ANO3: variants seen among roughly 807,000 people sequenced by gnomAD.
ANO3 encodes the protein anoctamin 3.
Under a neutral mutation model 144.8 loss-of-function variants are expected in ANO3, and 99 were observed. The ratio of observed to expected loss-of-function variants is 0.68; its 90% CI spans 0.58 to 0.81. The LOEUF (loss-of-function observed/expected upper bound fraction) is 0.81. Among genes scored for constraint, ANO3 ranks in the 30% least tolerant of loss-of-function variants. The pLI is 0.00. For synonymous variants in ANO3, 414 were observed against 392.6 expected, an observed-to-expected ratio of 1.05 and a Z score of -0.64; for missense variants, 905 against 1,202.2, an observed-to-expected ratio of 0.75 and a Z score of 3.66.
chr11:26,595,484 T>TTTTTTA (rs1851594883), intron 14 of ANO3, among the ~76,000 whole-genome samples: 6 of 148,596 alleles, frequency 4.0e-5, no homozygotes, highest in African/African-American at 1.5e-4. Flanking sequence ...TTTTTTTTTT[T>TTTTTTA]TTTATTCTGT....
chr11:26,525,631 T>A lies in ANO3; in HGVS notation c.693-4T>A, dbSNP rs1368757365. 1 of 1,610,098 alleles carries A rather than the reference T, an allele frequency of 6.2e-7. No homozygotes were observed. The highest frequency in any genetic ancestry group is 8.5e-7 in the Non-Finnish European group (1 of 1,178,120). On this transcript the variant is annotated splice_polypyrimidine_tract_variant and splice_region_variant and intron_variant, in intron 6 of 26. Transcript: ENST00000256737. ...TCCTTAGCTGTTTTCTATTATTTTT[T>A]CAGGAAAAAATGCTATTACACTGAC...
chr11:26,368,798 T>C (rs1362671889), intron 1 of ANO3, among the ~76,000 whole-genome samples: 6 of 152,162 alleles, frequency 3.9e-5, no homozygotes, highest in African/African-American at 9.7e-5. Context: ...ATTTATGATA[T>C]TATCCTTTAT....
At chr11:26,191,335 T>TACAC (rs746463223) in intron 1 of ANO3, among the ~76,000 whole-genome samples, 8,665 of 144,142 alleles carry the variant, frequency 0.06, 255 homozygotes, top group East Asian at 0.1. Flanking sequence ...TATACACACA[T>TACAC]ACACACACAC....
chr11:26,398,668 G>A (rs570094183), intron 1 of ANO3, among the ~76,000 whole-genome samples: 1 of 152,082 alleles, frequency 6.6e-6, no homozygotes, highest in South Asian at 2.1e-4. Context: ...AAGACATAAA[G>A]GTAAATGAAA....
rs112662708 is a variant in ANO3, at chr11:26,380,752, C to T, written c.46+48431C>T. On this transcript the variant is annotated intron_variant, in intron 1 of 26. Transcript: ENST00000256737. Reference sequence around the variant, plus strand: ...ATCCCAGCACTTTGGGAGGCTGAAGCGGGTGGATAACCTGAGGTCAGGAGT... The same window carrying T: ...ATCCCAGCACTTTGGGAGGCTGAAGTGGGTGGATAACCTGAGGTCAGGAGT... Among the ~76,000 whole-genome samples the T allele has an allele frequency of 6.3e-3, 959 of 152,168 alleles. 11 individuals carry two copies. Among genetic ancestry groups the T allele is most frequent in the African/African-American group, 0.022 (910 of 41,526 alleles).
At chr11:26,319,112 A>G (rs1854696776) in intron 1 of ANO3, among the ~76,000 whole-genome samples, 1 of 150,456 alleles carries the variant, frequency 6.6e-6, no homozygotes, top group Non-Finnish European at 1.5e-5. Flanking sequence ...ACGTAGCTGG[A>G]ACTACAGGTG....
chr11:26,348,110 C>T (rs1438964331), intron 1 of ANO3, among the ~76,000 whole-genome samples: 1 of 152,134 alleles, frequency 6.6e-6, no homozygotes, highest in Non-Finnish European at 1.5e-5. Flanking sequence ...TTCAATAATA[C>T]TTTCCCTCTT....
rs1219309564 is a variant in ANO3, at chr11:26,482,424, ATATGTGTGTG to A, written c.432+19278_432+19287del. Reference sequence around the variant, plus strand: ...ATTTTGCAGTAATTTGAACACAGATATATGTGTGTGTGTGTGTGTGTGTGTGTGTGTGTGT... The same window carrying A: ...ATTTTGCAGTAATTTGAACACAGATATGTGTGTGTGTGTGTGTGTGTGTGT... On this transcript the variant is annotated intron_variant, in intron 4 of 26. Transcript: ENST00000256737. 8.1e-3 allele frequency among the ~76,000 whole-genome samples: 887 copies of A among 109,810 alleles called. 3 individuals are homozygous for A. Among genetic ancestry groups the A allele is most frequent in the Non-Finnish European group, 0.011 (625 of 55,676 alleles). 72.0% of individuals were successfully genotyped at this position (109,810 alleles called of 152,430 possible). A position where few individuals can be genotyped will look rare whatever the true frequency, so the allele number is the denominator to read the frequency against.
At chr11:26,447,234 G>T (rs577042031) in intron 3 of ANO3, among the ~76,000 whole-genome samples, 231 of 2,160 alleles carry the variant, frequency 0.11, 1 homozygote, top group Non-Finnish European at 0.35. Context: ...AAAAAGGTGG[G>T]GGGGGGTACT....
intron 1 of ANO3, among the ~76,000 whole-genome samples, chr11:26,255,507 A>C (rs1384324919): frequency 6.6e-6 from 1 of 152,168 alleles, no homozygotes; most frequent in African/African-American, 2.4e-5. Context: ...AATGTTTTCC[A>C]TACATTTTCA....
chr11:26,647,657 G>T, intron 23 of ANO3, 52 bp from the exon 24 acceptor site: 6 of 1,512,514 alleles, frequency 4.0e-6, no homozygotes, highest in South Asian at 1.3e-5. Context: ...TTAATTACAG[G>T]GTTTTCATAT....
rs564310372 is a variant in ANO3 at position 26,616,577 on chromosome 11, T to C, written c.1837-7885T>C. Reference sequence around the variant, plus strand: ...GAGCCAAATATGGTTAATTAATTTTTACTTTGGAAGGCAAGCATGACAGCT... The same window carrying C: ...GAGCCAAATATGGTTAATTAATTTTCACTTTGGAAGGCAAGCATGACAGCT... On this transcript the variant is annotated intron_variant, in intron 17 of 26. Coordinates refer to ENST00000256737, the MANE Select transcript of ANO3 (RefSeq NM_031418.4). Among the ~76,000 whole-genome samples, 19 of 152,252 alleles carry C rather than the reference T, an allele frequency of 1.2e-4. No homozygotes were observed. The South Asian group carries it at 3.7e-3, about 30-fold the overall frequency.
chr11:26,213,847 G>A (rs1564919820), intron 1 of ANO3, among the ~76,000 whole-genome samples: 1 of 152,032 alleles, frequency 6.6e-6, no homozygotes, highest in Non-Finnish European at 1.5e-5. Flanking sequence ...TAGTAAAGGT[G>A]AGATAAAAGT....
intron 17 of ANO3, among the ~76,000 whole-genome samples, chr11:26,621,261 C>G (rs374956120): frequency 6.6e-6 from 1 of 152,096 alleles, no homozygotes; most frequent in African/African-American, 2.4e-5. Flanking sequence ...CTTACCATGG[C>G]CTACTGTGCA....
intron 17 of ANO3, among the ~76,000 whole-genome samples, chr11:26,618,958 C>G (rs1852337302): frequency 6.6e-6 from 1 of 152,020 alleles, no homozygotes; most frequent in African/African-American, 2.4e-5. Flanking sequence ...GTCAATTATT[C>G]CTCCAATCAG....
chr11:26,305,476 G>A (rs1478927499), upstream of ANO3, among the ~76,000 whole-genome samples: 1 of 151,986 alleles, frequency 6.6e-6, no homozygotes, highest in Admixed American at 6.6e-5. Flanking sequence ...CACCGAGACA[G>A]AAGAGAGACC....
At chr11:26,357,899 G>C (rs1245634017) in intron 1 of ANO3, among the ~76,000 whole-genome samples, 1 of 151,986 alleles carries the variant, frequency 6.6e-6, no homozygotes, top group Admixed American at 6.5e-5. Flanking sequence ...TTTGTCATAT[G>C]ACTGTGCAAA....
intron 1 of ANO3, among the ~76,000 whole-genome samples, chr11:26,290,631 A>G (rs1220019649): frequency 6.6e-6 from 1 of 152,172 alleles, no homozygotes; most frequent in Non-Finnish European, 1.5e-5. Flanking sequence ...ATTGGTTTCA[A>G]AGAACATCTT....
rs1470345915 is a variant in ANO3, at chr11:26,382,417, A to G, written c.46+50096A>G. On this transcript the variant is annotated intron_variant, in intron 1 of 26. Transcript: ENST00000256737. ...AATCAGCAAGAGCATTCTCTAACAC[A>G]TTATACCTGGCTCGTCTGCTCTTAA... Among the ~76,000 whole-genome samples, 4 of 152,280 alleles carry G rather than the reference A, an allele frequency of 2.6e-5. No homozygotes were observed. In the East Asian group the frequency reaches 7.7e-4, roughly 29 times the overall value.
Sources: allele counts gnomAD v4.1 joint callset (sites outside exome capture counted in the v4.1 genomes callset), GRCh38; gene constraint gnomAD v4.1.1; transcripts MANE v1.5; gene names NCBI Gene and HGNC (gene_info 2026-07-23, HGNC 2026-07-21).